DPP10: variants seen among roughly 807,000 people sequenced by gnomAD.
The protein encoded by DPP10 is inactive dipeptidyl peptidase 10.
A neutral mutation model predicts 120.9 loss-of-function variants in DPP10; 33 were observed. That is an observed-to-expected ratio of 0.27 (90% CI 0.21 to 0.37). DPP10 has a LOEUF of 0.37. DPP10 is among the 10% of genes least tolerant of loss of function. The pLI, the probability that DPP10 is intolerant of heterozygous loss-of-function variation, is 1.00. For synonymous variants in DPP10, 337 were observed against 326.1 expected (o/e 1.03, Z -0.36); for missense variants, 816 against 942.8 (o/e 0.87, Z 1.76).
intron 5 of DPP10, among the ~76,000 whole-genome samples, chr2:115,648,842 G>T (rs1484941118): frequency 6.6e-6 from 1 of 151,874 alleles, no homozygotes; most frequent in Non-Finnish European, 1.5e-5. Flanking sequence ...GTCATATGGA[G>T]GATTCTCAAT....
intron 1 of DPP10, among the ~76,000 whole-genome samples, chr2:115,024,804 T>TA (rs1468224525): frequency 6.8e-6 from 1 of 147,746 alleles, no homozygotes; most frequent in Non-Finnish European, 1.5e-5. Flanking sequence ...TGTGTATACA[T>TA]ATATATGTTT....
chr2:115,243,767 T>A (rs996563800), intron 1 of DPP10, among the ~76,000 whole-genome samples: 2 of 132,242 alleles, frequency 1.5e-5, no homozygotes, highest in Admixed American at 7.9e-5. Context: ...GGTTTTTTTT[T>A]AAACTATTTT....
intron 1 of DPP10, among the ~76,000 whole-genome samples, chr2:114,467,155 G>A (rs1424632031): frequency 6.6e-6 from 1 of 152,136 alleles, no homozygotes; most frequent in Admixed American, 6.5e-5. Context: ...AAATAAAGAG[G>A]CAACCTTACA....
chr2:115,800,144 G>A (rs1685020811), intron 19 of DPP10, among the ~76,000 whole-genome samples: 1 of 151,468 alleles, frequency 6.6e-6, no homozygotes, highest in African/African-American at 2.4e-5. Flanking sequence ...GTGTGAGATG[G>A]TATCTCATTG....
At chr2:115,762,110 G>T (rs1398447004) in intron 11 of DPP10, among the ~76,000 whole-genome samples, 1 of 152,056 alleles carries the variant, frequency 6.6e-6, no homozygotes, top group Non-Finnish European at 1.5e-5. Context: ...AGTTACTACT[G>T]ATAAGAAAAA....
At chr2:115,321,961 C>T (rs2062085637) in intron 2 of DPP10, among the ~76,000 whole-genome samples, 1 of 151,990 alleles carries the variant, frequency 6.6e-6, no homozygotes. Flanking sequence ...GCTCTTTATT[C>T]ATGATTTCCT....
intron 1 of DPP10, among the ~76,000 whole-genome samples, chr2:115,245,297 T>A (rs1293114109): frequency 6.6e-6 from 1 of 151,474 alleles, no homozygotes; most frequent in Non-Finnish European, 1.5e-5. Flanking sequence ...ACAAATAACC[T>A]CATCAAAACA....
chr2:115,044,700 C>A lies in DPP10; in HGVS notation c.61-264539C>A, dbSNP rs115793835. On this transcript the variant is annotated intron_variant, in intron 1 of 25. Coordinates refer to ENST00000410059, the MANE Select transcript of DPP10 (RefSeq NM_020868.6). Reference sequence around the variant, plus strand: ...CCTGTTATACTATCAAATATTAGATCTTATTCATTCTATCTAATTATATTT... The same window carrying A: ...CCTGTTATACTATCAAATATTAGATATTATTCATTCTATCTAATTATATTT... Among the ~76,000 whole-genome samples the A allele has an allele frequency of 4.1e-3, 621 of 152,246 alleles. 2 individuals are homozygous for A. Among genetic ancestry groups the A allele is most frequent in the African/African-American group, 0.014 (595 of 41,550 alleles).
At chr2:114,796,306 G>A (rs1041106406) in intron 1 of DPP10, among the ~76,000 whole-genome samples, 1 of 152,102 alleles carries the variant, frequency 6.6e-6, no homozygotes, top group Non-Finnish European at 1.5e-5. Flanking sequence ...GTAGATTGAG[G>A]TCTGCAGATG....
chr2:115,190,690 C>T (rs1254582445), intron 1 of DPP10, among the ~76,000 whole-genome samples: 1 of 152,172 alleles, frequency 6.6e-6, no homozygotes, highest in Non-Finnish European at 1.5e-5. Context: ...CATGACTCAT[C>T]GCCCCAGGCT....
rs559324369 is a variant in DPP10, at chr2:115,139,629, T to A, written c.61-169610T>A. Among the ~76,000 whole-genome samples the A allele has an allele frequency of 2.8e-5, 4 of 142,942 alleles. No individual in the cohort carries two copies. In the East Asian group the frequency reaches 8.4e-4, roughly 30 times the overall value. 93.8% of individuals were successfully genotyped at this position (142,942 alleles called of 152,430 possible). ...AAAGGGAGGGAACTGAGTTTCTAAGTGGGCCAGAGGTGAAAAGCAGGTTTT... is the reference window on the plus strand; with the variant it reads ...AAAGGGAGGGAACTGAGTTTCTAAGAGGGCCAGAGGTGAAAAGCAGGTTTT... On this transcript the variant is annotated intron_variant, in intron 1 of 25. Transcript: ENST00000410059.
At chr2:115,472,002 A>G (rs2074758325) in intron 3 of DPP10, among the ~76,000 whole-genome samples, 1 of 152,126 alleles carries the variant, frequency 6.6e-6, no homozygotes, top group Admixed American at 6.6e-5. Context: ...ATTGCACTGG[A>G]ACAGCTTTCT....
At position 115,372,901 on chromosome 2, in the gene DPP10, G is replaced by A. The variant is rs570442736; in HGVS notation, c.271+28989G>A. Among the ~76,000 whole-genome samples, 3 of 152,246 alleles carry A rather than the reference G, an allele frequency of 2.0e-5. No individual in the cohort carries two copies. The East Asian group carries it at 5.8e-4, about 29-fold the overall frequency. On this transcript the variant is annotated intron_variant, in intron 3 of 25. Coordinates refer to ENST00000410059, the MANE Select transcript of DPP10 (RefSeq NM_020868.6). ...TAACTTGCTTTTGTCACTGAAAATA[G>A]AAACACAATCAAGACATAATATCTA...
At chr2:114,763,402 C>T (rs1459777926) in intron 1 of DPP10, among the ~76,000 whole-genome samples, 1 of 152,120 alleles carries the variant, frequency 6.6e-6, no homozygotes, top group Non-Finnish European at 1.5e-5. Flanking sequence ...GCAGAATGGC[C>T]AATTCATAAT....
chr2:115,123,383 G>C (rs1315617189), intron 1 of DPP10, among the ~76,000 whole-genome samples: 2 of 152,064 alleles, frequency 1.3e-5, no homozygotes, highest in African/African-American at 2.4e-5. Context: ...CTTCCCTTGG[G>C]GTGGCCTGTT....
chr2:114,851,165 T>C (rs955579471), intron 1 of DPP10, among the ~76,000 whole-genome samples: 40 of 152,176 alleles, frequency 2.6e-4, no homozygotes, highest in Non-Finnish European at 4.6e-4. Context: ...GAAATTTTCT[T>C]TCTTTACATT....
intron 1 of DPP10, among the ~76,000 whole-genome samples, chr2:114,481,013 T>C (rs1352396893): frequency 2.7e-5 from 4 of 150,812 alleles, no homozygotes; most frequent in Admixed American, 2.6e-4. Flanking sequence ...ATAAAACATA[T>C]AAAGCAGTTA....
intron 12 of DPP10, among the ~76,000 whole-genome samples, chr2:115,763,821 C>T (rs1285019574): frequency 6.6e-6 from 1 of 152,130 alleles, no homozygotes; most frequent in Non-Finnish European, 1.5e-5. Context: ...GACCAACATC[C>T]TTAAAAGGTC....
intron 1 of DPP10, among the ~76,000 whole-genome samples, chr2:114,594,277 T>A (rs1013812951): frequency 1.4e-4 from 22 of 152,002 alleles, no homozygotes; most frequent in Non-Finnish European, 3.2e-4. Context: ...GTTTTGAGAC[T>A]CGGACTGGCT....
Sources: allele counts gnomAD v4.1 joint callset (sites outside exome capture counted in the v4.1 genomes callset), GRCh38; gene constraint gnomAD v4.1.1; transcripts MANE v1.5; gene names NCBI Gene and HGNC (gene_info 2026-07-23, HGNC 2026-07-21).